IQSEC1: variants seen among roughly 807,000 people sequenced by gnomAD.
IQSEC1 encodes IQ motif and Sec7 domain ArfGEF 1.
In IQSEC1, 31 loss-of-function variants were observed where a neutral mutation model predicts 91.0. The observed-to-expected ratio is 0.34, with a 90% CI of 0.26 to 0.46. IQSEC1 has a LOEUF of 0.46. IQSEC1 is among the 20% of genes least tolerant of loss of function. The probability of loss-of-function intolerance (pLI) is 1.00; values close to 1 mark genes in which losing one functional copy is unlikely to be tolerated. For missense variants in IQSEC1, 1,388 were observed against 1,575.6 expected, an observed-to-expected ratio of 0.88 and a Z score of 2.02; for synonymous variants, 699 against 662.6, an observed-to-expected ratio of 1.05 and a Z score of -0.84.
chr3:12,912,057 G>A (rs543459110), intron 9 of IQSEC1, among the ~76,000 whole-genome samples: 1 of 152,346 alleles, frequency 6.6e-6, no homozygotes, highest in South Asian at 2.1e-4. Context: ...GGAATGGACA[G>A]GTGGTGCTCA....
rs1228378239 is a variant in IQSEC1, at chr3:13,278,302, TGGAAGATCAAAG to T, written c.272+4397_272+4408del. ...GATGTTTCCTTTTGCCAAGGAACTT[TGGAAGATCAAAG>T]GCTGGAAGGAATCATCTCATTAAAT... is the stretch of plus-strand genomic sequence containing the variant. On this transcript the variant is annotated intron_variant, in intron 1 of 15. Transcript: ENST00000648114. 2.6e-5 allele frequency among the ~76,000 whole-genome samples: 4 copies of T among 152,156 alleles called. No homozygotes were observed. The East Asian group carries it at 7.7e-4, about 29-fold the overall frequency.
At chr3:13,114,720 A>G (rs570532699) in intron 2 of IQSEC1, among the ~76,000 whole-genome samples, 14 of 151,664 alleles carry the variant, frequency 9.2e-5, no homozygotes, top group Non-Finnish European at 1.5e-4. Flanking sequence ...TTGAACACAG[A>G]AAGTGGAGGT....
intron 2 of IQSEC1, among the ~76,000 whole-genome samples, chr3:13,079,203 C>T (rs755962263): frequency 2.0e-4 from 30 of 152,190 alleles, no homozygotes; most frequent in Non-Finnish European, 3.8e-4. Flanking sequence ...GCGGAGGGAC[C>T]GGCAAGCATA....
intron 2 of IQSEC1, among the ~76,000 whole-genome samples, chr3:13,145,513 C>A (rs755491484): frequency 1.1e-4 from 16 of 152,130 alleles, no homozygotes; most frequent in Middle Eastern, 3.2e-3. Flanking sequence ...CATAGGCTCC[C>A]TCTAATGTCT....
At chr3:13,121,725 G>A (rs1353682815) in intron 2 of IQSEC1, among the ~76,000 whole-genome samples, 1 of 152,208 alleles carries the variant, frequency 6.6e-6, no homozygotes, top group African/African-American at 2.4e-5. Flanking sequence ...GAGAGAATGG[G>A]GCAGGTCAGT....
chr3:13,075,838 C>T (rs565132697), upstream of IQSEC1, among the ~76,000 whole-genome samples: 1 of 152,170 alleles, frequency 6.6e-6, no homozygotes, highest in Non-Finnish European at 1.5e-5. Context: ...GCTGGGATTC[C>T]GACTCTGATC....
At chr3:12,905,437 C>T (rs1313675841) in intron 12 of IQSEC1, among the ~76,000 whole-genome samples, 2 of 152,264 alleles carry the variant, frequency 1.3e-5, no homozygotes, top group Non-Finnish European at 2.9e-5. Context: ...TATGCACACT[C>T]GGCCGGCGCT....
At chr3:12,907,693 C>T (rs976320798) in intron 12 of IQSEC1, among the ~76,000 whole-genome samples, 5 of 152,248 alleles carry the variant, frequency 3.3e-5, no homozygotes, top group African/African-American at 1.2e-4. Context: ...GTGCCCCACT[C>T]CCAGGAATGT....
At chr3:13,192,879 G>T (rs1177548829) in intron 1 of IQSEC1, among the ~76,000 whole-genome samples, 1 of 152,224 alleles carries the variant, frequency 6.6e-6, no homozygotes, top group African/African-American at 2.4e-5. Context: ...CACCTTGAGG[G>T]GGAGCATTTG....
intron 3 of IQSEC1, among the ~76,000 whole-genome samples, chr3:12,929,055 A>G (rs1697412239): frequency 6.6e-6 from 1 of 152,210 alleles, no homozygotes; most frequent in South Asian, 2.1e-4. Flanking sequence ...CCAAGAATAC[A>G]GAAATATGCT....
At chr3:13,279,425 C>A (rs1207943773) in intron 1 of IQSEC1, among the ~76,000 whole-genome samples, 1 of 152,136 alleles carries the variant, frequency 6.6e-6, no homozygotes, top group Non-Finnish European at 1.5e-5. Context: ...CTGAGAAACT[C>A]ATGATGGTAT....
intron 1 of IQSEC1, among the ~76,000 whole-genome samples, chr3:13,184,568 A>G (rs1693899231): frequency 6.6e-6 from 1 of 152,160 alleles, no homozygotes; most frequent in African/African-American, 2.4e-5. Context: ...TCCCACCCCT[A>G]TCTAACGTCA....
rs1199544993 is a variant in IQSEC1 at position 12,899,932 on chromosome 3, T to C, written c.*1051A>G. 1 of 984,948 alleles carries C rather than the reference T, an allele frequency of 1.0e-6. No individual in the cohort carries two copies. Among genetic ancestry groups the C allele is most frequent in the Non-Finnish European group, 1.2e-6 (1 of 829,770 alleles). 61.0% of individuals were successfully genotyped at this position (984,948 alleles called of 1,614,324 possible). ...TATGGGTGCCCCTCTCGGAGGACTC[T>C]GAATGAGTGTGCGTCAAATCATATG... On this transcript the variant is annotated 3_prime_UTR_variant, in exon 14 of 14. Transcript: ENST00000613206.
rs1375113842 is a variant in IQSEC1 at position 12,936,430 on chromosome 3, C to A, written c.586G>T (p.Val196Leu). 1 of 1,601,830 alleles carries A rather than the reference C, an allele frequency of 6.2e-7. No homozygotes were observed. The highest frequency in any genetic ancestry group is 8.5e-7 in the Non-Finnish European group (1 of 1,172,538). The change falls in exon 3 of 14, where the codon GTG (valine) becomes TTG (leucine). Residue 196 changes from valine (V) to leucine (L), a missense_variant. Val to Leu is a conservative substitution (Grantham distance 32, BLOSUM62 1). This residue lies in a region of IQSEC1 where 1,059 missense variants were observed against 1,317.8 expected (regional missense o/e 0.80). Transcript: ENST00000613206. The part of the protein sequence containing the change: ...TNDGSQLGAL[V>L]SPECGDLSEP... ...CTGAGGTCACCACACTCAGGGGACA[C>A]CAGGGCTCCCAGCTGGGAGCCGTCG...
intron 1 of IQSEC1, among the ~76,000 whole-genome samples, chr3:13,021,095 G>C (rs1703375231): frequency 6.6e-6 from 1 of 152,212 alleles, no homozygotes; most frequent in Admixed American, 6.5e-5. Flanking sequence ...CGGCATCCAA[G>C]TACAAACACA....
At chr3:13,009,279 C>G (rs1360094290) in intron 1 of IQSEC1, among the ~76,000 whole-genome samples, 1 of 152,200 alleles carries the variant, frequency 6.6e-6, no homozygotes, top group Non-Finnish European at 1.5e-5. Flanking sequence ...GACTGCCACA[C>G]CTCTCCATGT....
At chr3:12,941,501 TGGG>T in intron 2 of IQSEC1, 67 bp downstream of exon 2, 1 of 1,391,178 alleles carries the variant, frequency 7.2e-7, no homozygotes. Flanking sequence ...CCATGCCTGG[TGGG>T]GGCACACATG....
chr3:13,164,539 C>T (rs1432019126), intron 1 of IQSEC1, among the ~76,000 whole-genome samples: 6 of 152,132 alleles, frequency 3.9e-5, no homozygotes, highest in South Asian at 4.1e-4. Context: ...GAGAGCGGTG[C>T]GACTGGCCTC....
rs111481324 is a variant in IQSEC1, at chr3:12,969,484, C to T, written c.24-27619G>A. Among the ~76,000 whole-genome samples the T allele has an allele frequency of 8.8e-3, 1,340 of 152,286 alleles. 23 individuals carry two copies. The highest frequency in any genetic ancestry group is 0.03 in the African/African-American group (1,253 of 41,528). On this transcript the variant is annotated intron_variant, in intron 1 of 13. Transcript: ENST00000613206. The stretch of plus-strand genomic sequence containing the variant: ...ACACTAGGCTGCACTGCTCAAAGAC[C>T]ACAGCCACATCTGGCATCTGTCATG...
Sources: gnomAD v4.1 joint callset for allele counts (sites outside exome capture counted in the v4.1 genomes callset) on GRCh38, gnomAD v4.1.1 for gene constraint, gnomAD v4.1.1 regional missense constraint, MANE v1.5 for transcripts, NCBI Gene and HGNC (gene_info 2026-07-23, HGNC 2026-07-21) for gene names.